The following ZFHX3 variants were observed in gnomAD, a reference collection of about 807,000 sequenced individuals.
ZFHX3 encodes the protein zinc finger homeobox protein 3.
A neutral mutation model predicts 279.1 loss-of-function variants in ZFHX3; 42 were observed. The ratio of observed to expected loss-of-function variants is 0.15; its 90% CI spans 0.12 to 0.19. The LOEUF (loss-of-function observed/expected upper bound fraction) is 0.19, where lower values mean the gene tolerates loss of function less well. Ranked by LOEUF, ZFHX3 falls within the 10% of genes least tolerant of loss-of-function variation. The probability of loss-of-function intolerance (pLI) is 1.00; values close to 1 mark genes in which losing one functional copy is unlikely to be tolerated. For synonymous variants in ZFHX3, 2,293 were observed against 1,957.8 expected (o/e 1.17, Z -4.52); for missense variants, 4,981 against 4,754.0 (o/e 1.05, Z -1.40).
At chr16:73,478,320 C>G (rs144537467) in intron 2 of ZFHX3, among the ~76,000 whole-genome samples, 1 of 151,676 alleles carries the variant, frequency 6.6e-6, no homozygotes, top group African/African-American at 2.4e-5. Context: ...TATGACATGC[C>G]TGAACAGGGA....
chr16:73,512,314 G>A (rs1029809869), intron 2 of ZFHX3, among the ~76,000 whole-genome samples: 7 of 150,948 alleles, frequency 4.6e-5, no homozygotes, highest in Admixed American at 6.6e-5. Flanking sequence ...TGGGCATGGT[G>A]GTGCGTGTCT....
intron 1 of ZFHX3, among the ~76,000 whole-genome samples, chr16:73,028,592 T>C (rs1964592490): frequency 6.6e-6 from 1 of 152,140 alleles, no homozygotes; most frequent in East Asian, 1.9e-4. Flanking sequence ...AGGGGACGAT[T>C]GTTAGAACTC....
At chr16:73,128,973 G>C (rs1966623141) in intron 7 of ZFHX3, among the ~76,000 whole-genome samples, 1 of 152,140 alleles carries the variant, frequency 6.6e-6, no homozygotes, top group South Asian at 2.1e-4. Context: ...GGAGAAAGGG[G>C]CATTACACTG....
rs1567527649 is a variant in ZFHX3 at position 72,811,567 on chromosome 16, G to C, written c.3864+10C>G. 6.4e-7 allele frequency: 1 copy of C among 1,571,038 alleles called. No individual in the cohort carries two copies. The highest frequency in any genetic ancestry group is 2.3e-5 in the East Asian group (1 of 44,300). Reference sequence around the variant, plus strand: ...GAAAGACCACAGGGTGCTGCTCCTGGCTGCCTTACCGTCATAATGAGCTTC... The same window carrying C: ...GAAAGACCACAGGGTGCTGCTCCTGCCTGCCTTACCGTCATAATGAGCTTC... On this transcript the variant is annotated intron_variant, in intron 7 of 9. Coordinates refer to ENST00000268489, the MANE Select transcript of ZFHX3 (RefSeq NM_006885.4).
chr16:73,618,037 T>C (rs1190996652), intron 2 of ZFHX3, among the ~76,000 whole-genome samples: 4 of 152,170 alleles, frequency 2.6e-5, no homozygotes, highest in Non-Finnish European at 4.4e-5. Context: ...CTGTCAGATC[T>C]CTCATAATGG....
chr16:73,231,022 T>C (rs1691001722), intron 5 of ZFHX3, among the ~76,000 whole-genome samples: 2 of 152,094 alleles, frequency 1.3e-5, no homozygotes. Flanking sequence ...AAGGGTGATG[T>C]GAGCCCAGAG....
At chr16:73,769,275 T>G (rs973268326) in intron 1 of ZFHX3, among the ~76,000 whole-genome samples, 7 of 152,154 alleles carry the variant, frequency 4.6e-5, no homozygotes, top group African/African-American at 1.7e-4. Flanking sequence ...CCCCTCTGAC[T>G]TAGATCATAA....
At chr16:72,881,863 G>A (rs541626010) in intron 4 of ZFHX3, among the ~76,000 whole-genome samples, 32 of 152,254 alleles carry the variant, frequency 2.1e-4, no homozygotes, top group African/African-American at 7.2e-4. Context: ...CCACTGACTG[G>A]CTAGCTATCC....
intron 3 of ZFHX3, among the ~76,000 whole-genome samples, chr16:73,369,366 A>G (rs1266008702): frequency 6.6e-6 from 1 of 152,240 alleles, no homozygotes; most frequent in Non-Finnish European, 1.5e-5. Flanking sequence ...ATGGCAGCGC[A>G]CTGAACCGAG....
chr16:72,793,860 C>A lies in ZFHX3; in HGVS notation c.8822G>T (p.Gly2941Val), dbSNP rs1185453374. 1 of 1,614,120 alleles carries A rather than the reference C, an allele frequency of 6.2e-7. No homozygotes were observed. Among genetic ancestry groups the A allele is most frequent in the Non-Finnish European group, 8.5e-7 (1 of 1,180,014 alleles). ...AAAACGTTTCTGCCCAGGCCGATCT[C>A]CGCTGTCACCAGATTTGCCTGCAGA... The part of the protein sequence containing the change: ...SGSAGKSGDS[G>V]DRPGQKRFRT... The change falls in exon 9 of 10, where the codon GGA becomes GTA. Residue 2941 changes from glycine (G) to valine (V), a missense_variant. Physicochemically the swap from Gly to Val is moderately radical, Grantham distance 109. Transcript: ENST00000268489. The surrounding 1 kb of genome is among the most constrained non-coding windows in gnomAD (Gnocchi z 4.3).
intron 6 of ZFHX3, 26 bp from the exon 7 acceptor site, chr16:72,811,803 G>GC: frequency 6.2e-7 from 1 of 1,606,590 alleles, no homozygotes; most frequent in Non-Finnish European, 8.5e-7. Context: ...CCACTGCTTT[G>GC]AGCAACTGTG....
intron 1 of ZFHX3, among the ~76,000 whole-genome samples, chr16:73,722,525 T>C (rs896056972): frequency 2.0e-5 from 3 of 152,224 alleles, no homozygotes; most frequent in Admixed American, 6.5e-5. Context: ...TCAGAGAAGA[T>C]AGTTCAAAAT....
intron 2 of ZFHX3, among the ~76,000 whole-genome samples, chr16:73,493,167 T>C (rs2019082599): frequency 6.6e-6 from 1 of 152,174 alleles, no homozygotes; most frequent in East Asian, 1.9e-4. Flanking sequence ...TGTCACCTAT[T>C]TTTTGCAGCT....
intron 4 of ZFHX3, among the ~76,000 whole-genome samples, chr16:73,272,903 C>T (rs2014187640): frequency 6.6e-6 from 1 of 152,100 alleles, no homozygotes; most frequent in Non-Finnish European, 1.5e-5. Context: ...GGTGCCATCA[C>T]ACCTGGCTAA....
chr16:73,376,487 G>A (rs1175981446), intron 3 of ZFHX3, among the ~76,000 whole-genome samples: 1 of 152,144 alleles, frequency 6.6e-6, no homozygotes, highest in African/African-American at 2.4e-5. Flanking sequence ...TCATTTTCAT[G>A]AAAGGAAGGA....
intron 2 of ZFHX3, among the ~76,000 whole-genome samples, chr16:73,670,096 A>T (rs918091545): frequency 2.0e-5 from 3 of 152,200 alleles, no homozygotes; most frequent in Non-Finnish European, 4.4e-5. Context: ...TAAATTGCTT[A>T]CCAGCTGGAT....
intron 1 of ZFHX3, among the ~76,000 whole-genome samples, chr16:73,018,022 G>C: frequency 6.9e-6 from 1 of 145,296 alleles, no homozygotes; most frequent in Non-Finnish European, 1.5e-5. Flanking sequence ...GTCTTGCTCT[G>C]TCACCCAGGC....
intron 3 of ZFHX3, among the ~76,000 whole-genome samples, chr16:73,455,447 G>T (rs890969836): frequency 6.6e-6 from 1 of 152,108 alleles, no homozygotes; most frequent in Non-Finnish European, 1.5e-5. Context: ...CCACCCCAGA[G>T]GTCCCTTTGT....
chr16:72,939,469 G>C (rs977542758), intron 3 of ZFHX3, among the ~76,000 whole-genome samples: 4 of 152,252 alleles, frequency 2.6e-5, no homozygotes, highest in Non-Finnish European at 5.9e-5. Context: ...GCTCCTCCCA[G>C]ATCTTCAGTA....
Sources: gnomAD v4.1 joint callset for allele counts (sites outside exome capture counted in the v4.1 genomes callset) on GRCh38, gnomAD v4.1.1 for gene constraint, Gnocchi (gnomAD v3.1) non-coding constraint, MANE v1.5 for transcripts, NCBI Gene and HGNC (gene_info 2026-07-23, HGNC 2026-07-21) for gene names.